ATP10D: variants seen among roughly 807,000 people sequenced by gnomAD.
ATP10D encodes the protein ATPase phospholipid transporting 10D (putative).
Under a neutral mutation model 144.8 loss-of-function variants are expected in ATP10D, and 89 were observed. The observed-to-expected ratio is 0.61, with a 90% CI of 0.52 to 0.73. The LOEUF is 0.73. Among genes scored for constraint, ATP10D ranks in the 30% least tolerant of loss-of-function variants. The pLI is 0.00. For synonymous variants in ATP10D, 571 were observed against 615.1 expected, an observed-to-expected ratio of 0.93 and a Z score of 1.06; for missense variants, 1,603 against 1,714.8, an observed-to-expected ratio of 0.93 and a Z score of 1.15.
chr4:47,491,563 A>G, intron 1 of ATP10D: 1 of 393,192 alleles, frequency 2.5e-6, no homozygotes, highest in South Asian at 3.0e-5. Context: ...TATCTTTGGC[A>G]ATTTCCCATA....
chr4:47,494,504 G>T (rs1280882790), intron 1 of ATP10D, among the ~76,000 whole-genome samples: 1 of 149,206 alleles, frequency 6.7e-6, no homozygotes, highest in Non-Finnish European at 1.5e-5. Flanking sequence ...ATATAATAAA[G>T]TTAGATTAAG....
At chr4:47,520,352 T>C (rs188610256) in intron 3 of ATP10D, among the ~76,000 whole-genome samples, 24 of 152,282 alleles carry the variant, frequency 1.6e-4, no homozygotes, top group African/African-American at 5.5e-4. Context: ...CTCATTCCTG[T>C]TGCTTCTCTC....
Position 47,570,649 on chromosome 4 carries a change from C to G in ATP10D, c.3163+1503C>G, listed in dbSNP as rs1000187872. On this transcript the variant is annotated intron_variant, in intron 16 of 22. Coordinates refer to ENST00000273859, the MANE Select transcript of ATP10D (RefSeq NM_020453.4). Reference sequence around the variant, plus strand: ...TGAAACTCCACCTCTACTACAAACACGAAACTTGGCCAGGCCTGGTGGTGG... The same window carrying G: ...TGAAACTCCACCTCTACTACAAACAGGAAACTTGGCCAGGCCTGGTGGTGG... Among the ~76,000 whole-genome samples, 8 of 151,964 alleles carry G rather than the reference C, an allele frequency of 5.3e-5. No homozygotes were observed. In the East Asian group the frequency reaches 1.2e-3, roughly 22 times the overall value.
At chr4:47,518,360 G>A (rs1716787507) in intron 3 of ATP10D, among the ~76,000 whole-genome samples, 1 of 152,088 alleles carries the variant, frequency 6.6e-6, no homozygotes, top group Admixed American at 6.5e-5. Context: ...GTTAGAATAA[G>A]CTATTATAGA....
intron 3 of ATP10D, among the ~76,000 whole-genome samples, chr4:47,521,134 A>G (rs1400777298): frequency 6.6e-6 from 1 of 152,142 alleles, no homozygotes; most frequent in Non-Finnish European, 1.5e-5. Flanking sequence ...AGACTCCCTG[A>G]GAAACCTTAT....
intron 4 of ATP10D, among the ~76,000 whole-genome samples, chr4:47,524,140 A>G (rs943742363): frequency 6.6e-6 from 1 of 151,972 alleles, no homozygotes; most frequent in African/African-American, 2.4e-5. Context: ...GTTAGCCAGG[A>G]TGGTCTTGAT....
chr4:47,574,258 G>A (rs1315749115), intron 18 of ATP10D, among the ~76,000 whole-genome samples: 2 of 152,246 alleles, frequency 1.3e-5, no homozygotes, highest in Non-Finnish European at 2.9e-5. Flanking sequence ...CACTCTCGAA[G>A]AGAGGGAGTG....
intron 18 of ATP10D, among the ~76,000 whole-genome samples, chr4:47,575,950 G>A (rs1423992354): frequency 4.1e-5 from 1 of 24,334 alleles, no homozygotes; most frequent in South Asian, 1.4e-3. Context: ...TTTTTTTTTT[G>A]AGACGGAGTC....
chr4:47,508,214 A>G (rs1716125940), intron 1 of ATP10D, among the ~76,000 whole-genome samples: 1 of 152,146 alleles, frequency 6.6e-6, no homozygotes, highest in Non-Finnish European at 1.5e-5. Context: ...AGGTAGTATG[A>G]AGGTCACTTT....
chr4:47,535,679 T>A, intron 6 of ATP10D, 64 bp downstream of exon 6: 1 of 1,512,596 alleles, frequency 6.6e-7, no homozygotes, highest in Non-Finnish European at 8.9e-7. Flanking sequence ...CATTTTTCAT[T>A]TACTCAAAAA....
At chr4:47,510,485 A>G (rs1443552591) in intron 1 of ATP10D, among the ~76,000 whole-genome samples, 1 of 152,176 alleles carries the variant, frequency 6.6e-6, no homozygotes, top group Non-Finnish European at 1.5e-5. Flanking sequence ...AGAGAAGGAG[A>G]CCTAGAAATA....
rs772668989 is a variant in ATP10D at position 47,512,603 on chromosome 4, GGAT to G, written c.70_72del (p.Asp24del). On this transcript the variant is annotated inframe_deletion, in exon 2 of 23. Coordinates refer to ENST00000273859, the MANE Select transcript of ATP10D (RefSeq NM_020453.4). ...GACGGCTGATCAGAGGTGCAACCAG[GGAT>G]GATGATTCAGGGCCATACAACTATT... 97 of 1,614,026 alleles carry G rather than the reference GGAT, an allele frequency of 6.0e-5. No individual in the cohort carries two copies. Among genetic ancestry groups the G allele is most frequent in the Middle Eastern group, 3.3e-4 (2 of 6,084 alleles).
Position 47,490,884 on chromosome 4 carries a change from C to T in ATP10D, c.-38+5365C>T, listed in dbSNP as rs531723883. ...CAGGTTTTCCAGATGAGTCGTCCTT[C>T]CTTTTCTCCCTTTCAATGTATTGTT... On this transcript the variant is annotated intron_variant, in intron 1 of 22. Coordinates refer to ENST00000273859, the MANE Select transcript of ATP10D (RefSeq NM_020453.4). 7 of 394,992 alleles carry T rather than the reference C, an allele frequency of 1.8e-5. No individual in the cohort carries two copies. The Admixed American group carries it at 2.7e-4, about 15-fold the overall frequency. 24.5% of individuals were successfully genotyped at this position (394,992 alleles called of 1,614,324 possible).
chr4:47,530,519 C>T (rs1380730682), intron 5 of ATP10D, among the ~76,000 whole-genome samples: 9 of 152,152 alleles, frequency 5.9e-5, no homozygotes, highest in South Asian at 2.1e-4. Context: ...CAGAGTGGTG[C>T]GATCTCAGTT....
At position 47,558,198 on chromosome 4, in the gene ATP10D, C is replaced by G. The variant is rs1470764324; in HGVS notation, c.2359C>G (p.Leu787Val). The part of the protein sequence containing the change: ...KRMSVVVRHP[L>V]SNQVVVYTKG... ...AATGTCTGTTGTGGTCCGACACCCTCTTTCCAATCAAGTTGTGGTGTATAC... is the reference window on the plus strand; with the variant it reads ...AATGTCTGTTGTGGTCCGACACCCTGTTTCCAATCAAGTTGTGGTGTATAC... Residue 787 changes from leucine to valine, a missense_variant, in exon 12 of 23, where the codon CTT becomes GTT. By Grantham distance (32) the Leu-to-Val change is conservative (BLOSUM62 1). Coordinates refer to ENST00000273859, the MANE Select transcript of ATP10D (RefSeq NM_020453.4). The G allele has an allele frequency of 1.2e-6, 2 of 1,614,210 alleles. No individual in the cohort carries two copies. The highest frequency in any genetic ancestry group is 1.3e-5 in the African/African-American group (1 of 75,052).
intron 5 of ATP10D, among the ~76,000 whole-genome samples, chr4:47,531,345 A>G (rs1410512598): frequency 6.6e-6 from 1 of 152,178 alleles, no homozygotes; most frequent in East Asian, 1.9e-4. Flanking sequence ...GAATGAGAAG[A>G]TGCTAGGCAA....
intron 4 of ATP10D, among the ~76,000 whole-genome samples, chr4:47,524,719 G>A (rs1329270248): frequency 6.6e-6 from 1 of 152,050 alleles, no homozygotes; most frequent in African/African-American, 2.4e-5. Flanking sequence ...CTGTTAATTA[G>A]ACCCAATTAT....
chr4:47,590,945 G>A, intron 22 of ATP10D, 97 bp from the exon 23 acceptor site: 1 of 931,896 alleles, frequency 1.1e-6, no homozygotes, highest in Non-Finnish European at 1.6e-6. Flanking sequence ...GTGGCCACCA[G>A]ACCCTTTTAC....
At chr4:47,533,213 C>T (rs1717658673) in intron 5 of ATP10D, among the ~76,000 whole-genome samples, 1 of 151,714 alleles carries the variant, frequency 6.6e-6, no homozygotes, top group South Asian at 2.1e-4. Flanking sequence ...AAAAAAAATG[C>T]CACATTGCTG....
Sources: gnomAD v4.1 joint callset for allele counts (sites outside exome capture counted in the v4.1 genomes callset) on GRCh38, gnomAD v4.1.1 for gene constraint, MANE v1.5 for transcripts, NCBI Gene and HGNC (gene_info 2026-07-23, HGNC 2026-07-21) for gene names.